The following CDH23 variants were observed in gnomAD, a reference collection of about 807,000 sequenced individuals.
The protein encoded by CDH23 is cadherin-23.
CDH23 carries 189 observed loss-of-function variants against 317.1 expected under a neutral mutation model. The observed-to-expected ratio is 0.60, with a 90% CI of 0.53 to 0.67. The LOEUF (loss-of-function observed/expected upper bound fraction) is 0.67. Among genes scored for constraint, CDH23 ranks in the 30% least tolerant of loss-of-function variants. The pLI, the probability that CDH23 is intolerant of heterozygous loss-of-function variation, is 0.00. For synonymous variants in CDH23, 1,839 were observed against 1,876.8 expected (o/e 0.98, Z 0.52); for missense variants, 4,401 against 4,592.4 (o/e 0.96, Z 1.20).
intron 6 of CDH23, among the ~76,000 whole-genome samples, chr10:71,521,088 A>G (rs2132230824): frequency 6.6e-6 from 1 of 151,836 alleles, no homozygotes; most frequent in Admixed American, 6.6e-5. Flanking sequence ...CCACCTGTCC[A>G]TCTATTAAAA....
chr10:71,510,182 T>C lies in CDH23; in HGVS notation c.246T>C (p.Pro82=), dbSNP rs1413572792. 6.2e-7 allele frequency: 1 copy of C among 1,613,832 alleles called. No homozygotes were observed. The highest frequency in any genetic ancestry group is 8.5e-7 in the Non-Finnish European group (1 of 1,179,866). ...EEASRFFAVE[P]DTGVVWLRQP... Reference sequence around the variant, plus strand: ...CCTCTCGCTTCTTTGCAGTGGAGCCTGACACTGGCGTGGTGTGGCTCCGGC... The same window carrying C: ...CCTCTCGCTTCTTTGCAGTGGAGCCCGACACTGGCGTGGTGTGGCTCCGGC... Residue 82 remains proline, a synonymous_variant, in exon 4 of 70, where the codon CCT becomes CCC. Coordinates refer to ENST00000224721, the MANE Select transcript of CDH23 (RefSeq NM_022124.6).
rs574771621 is a variant in CDH23 at position 71,658,238 on chromosome 10, C to G, written c.1449+11621C>G. On this transcript the variant is annotated intron_variant, in intron 14 of 69. Transcript: ENST00000224721. ...AATGGCGTGGAGTGAGAGGTAGGAC[C>G]GGGGTAGAGAGAGAGAAAGAGGAAG... 3.3e-5 allele frequency among the ~76,000 whole-genome samples: 5 copies of G among 151,416 alleles called. No homozygotes were observed. The South Asian group carries it at 8.4e-4, about 25-fold the overall frequency.
chr10:71,517,950 G>A (rs1399075206), intron 6 of CDH23, among the ~76,000 whole-genome samples: 2 of 152,320 alleles, frequency 1.3e-5, no homozygotes, highest in Middle Eastern at 6.8e-3. Flanking sequence ...CTTGCGGCAG[G>A]CAGATGCCAT....
intron 3 of CDH23, among the ~76,000 whole-genome samples, chr10:71,505,872 T>TA (rs1853603871): frequency 6.6e-6 from 1 of 152,248 alleles, no homozygotes; most frequent in Admixed American, 6.5e-5. Flanking sequence ...CCAGCAATTG[T>TA]GCTCCTAAGT....
At chr10:71,653,133 C>T (rs2132614284) in intron 14 of CDH23, among the ~76,000 whole-genome samples, 1 of 152,310 alleles carries the variant, frequency 6.6e-6, no homozygotes, top group Middle Eastern at 3.4e-3. Context: ...GCTTTTCCTC[C>T]TGGTCCAGCC....
chr10:71,508,572 C>G (rs987418292), intron 3 of CDH23, among the ~76,000 whole-genome samples: 1 of 152,174 alleles, frequency 6.6e-6, no homozygotes, highest in Non-Finnish European at 1.5e-5. Flanking sequence ...TAGAACTGTC[C>G]TAAAAGTTCT....
At chr10:71,805,197 A>T (rs983781191) in intron 55 of CDH23, among the ~76,000 whole-genome samples, 7 of 152,154 alleles carry the variant, frequency 4.6e-5, no homozygotes, top group Non-Finnish European at 7.4e-5. Flanking sequence ...GAGATCTTGG[A>T]CTTAGCTCAA....
Position 71,741,815 on chromosome 10 carries a change from G to A in CDH23, c.4739G>A (p.Arg1580His), listed in dbSNP as rs747067009. The A allele has an allele frequency of 1.2e-5, 19 of 1,611,478 alleles. No homozygotes were observed. The highest frequency in any genetic ancestry group is 1.7e-4 in the Middle Eastern group (1 of 6,056). Residue 1580 changes from arginine (R) to histidine (H), a missense_variant, in exon 38 of 70, where the codon CGC becomes CAC. Arg to His is a conservative substitution (Grantham distance 29). This residue lies in a region of CDH23 where 3,068 missense variants were observed against 3,203.3 expected (regional missense o/e 0.96). Coordinates refer to ENST00000224721, the MANE Select transcript of CDH23 (RefSeq NM_022124.6). ...AAGGACATGGCCTTCCGCATGGACC[G>A]CATCAGCGGTGAGATCGCCACACGG... ...GNKDMAFRMDRISGEIATRPA... is the reference protein window; with the variant it reads ...GNKDMAFRMDHISGEIATRPA...
intron 7 of CDH23, among the ~76,000 whole-genome samples, chr10:71,569,664 A>G (rs1857646888): frequency 6.6e-6 from 1 of 152,256 alleles, no homozygotes; most frequent in Non-Finnish European, 1.5e-5. Context: ...TAGAAGTTGT[A>G]TGACTGTGGA....
chr10:71,501,618 A>T (rs1853339048), intron 3 of CDH23, among the ~76,000 whole-genome samples: 1 of 152,176 alleles, frequency 6.6e-6, no homozygotes, highest in African/African-American at 2.4e-5. Context: ...CAAGTTCAGG[A>T]CCCAGGGCAT....
chr10:71,564,141 C>T (rs1385128210), intron 6 of CDH23, among the ~76,000 whole-genome samples: 1 of 152,232 alleles, frequency 6.6e-6, no homozygotes, highest in Non-Finnish European at 1.5e-5. Flanking sequence ...CTCCCTGTAG[C>T]CTACCTGGAA....
chr10:71,712,342 T>G lies in CDH23; in HGVS notation c.3221-323T>G, dbSNP rs956767401. ...CCAGGGGTTTAACATGGGTCTGTTT[T>G]TTTTGGGAGCCATCATTCAATCCAC... On this transcript the variant is annotated intron_variant, in intron 27 of 69. Transcript: ENST00000224721. 5.0e-5 allele frequency: 13 copies of G among 259,404 alleles called. No homozygotes were observed. In the East Asian group the frequency reaches 7.3e-4, roughly 15 times the overall value. The allele number at this position is 259,404 out of a possible 1,614,324, so 16.1% of individuals were successfully genotyped here. A position where few individuals can be genotyped will look rare whatever the true frequency, so the allele number is the denominator to read the frequency against.
intron 3 of CDH23, among the ~76,000 whole-genome samples, chr10:71,504,590 G>C (rs1853529809): frequency 6.6e-6 from 1 of 152,200 alleles, no homozygotes; most frequent in Admixed American, 6.5e-5. Flanking sequence ...CATGGTTTGG[G>C]TGGCACAGAG....
At chr10:71,594,423 G>T (rs889643407) in intron 9 of CDH23, among the ~76,000 whole-genome samples, 1 of 151,368 alleles carries the variant, frequency 6.6e-6, no homozygotes, top group Admixed American at 6.6e-5. Flanking sequence ...GCCCAGGCTG[G>T]AGTGCAATGG....
In CDH23 at chr10:71,672,907, G is replaced by A. The variant is rs1333665590; in HGVS notation, c.1450-2205G>A. Reference sequence around the variant, plus strand: ...GGCTCAGATGTGACCTTCTCCAGGGGCAGCACACCCCCCATGACCCAGGCC... The same window carrying A: ...GGCTCAGATGTGACCTTCTCCAGGGACAGCACACCCCCCATGACCCAGGCC... On this transcript the variant is annotated intron_variant, in intron 14 of 69. Coordinates refer to ENST00000224721, the MANE Select transcript of CDH23 (RefSeq NM_022124.6). Among the ~76,000 whole-genome samples the A allele has an allele frequency of 2.0e-5, 3 of 151,996 alleles. No individual in the cohort carries two copies. The South Asian group carries it at 6.2e-4, about 32-fold the overall frequency.
At chr10:71,727,484 G>T (rs1333198472) in intron 30 of CDH23, among the ~76,000 whole-genome samples, 1 of 152,204 alleles carries the variant, frequency 6.6e-6, no homozygotes, top group East Asian at 1.9e-4. Context: ...GCAATGTGGG[G>T]ACTCTGGCTT....
At chr10:71,408,385 GAGAA>G (rs373867834) in intron 1 of CDH23, among the ~76,000 whole-genome samples, 2,906 of 152,248 alleles carry the variant, frequency 0.019, 79 homozygotes, top group African/African-American at 0.066. Flanking sequence ...GAGAGAGAGA[GAGAA>G]AGAGAGAGAA....
At chr10:71,737,782 G>T (rs577774018) in intron 34 of CDH23, 2 of 468,630 alleles carry the variant, frequency 4.3e-6, no homozygotes, top group African/African-American at 2.0e-5. Flanking sequence ...GGCCTCACCC[G>T]CGGCAGGCCT....
chr10:71,576,909 C>A lies in CDH23; in HGVS notation c.754-1005C>A, dbSNP rs543487345. On this transcript the variant is annotated intron_variant, in intron 8 of 69. Coordinates refer to ENST00000224721, the MANE Select transcript of CDH23 (RefSeq NM_022124.6). ...CCCATCAATTGATATTCGAATGTGC[C>A]AGTTGTATGCCAGGATCTCTTCCTA... Among the ~76,000 whole-genome samples the A allele has an allele frequency of 2.6e-5, 4 of 152,260 alleles. 1 individual carries two copies. In the South Asian group the frequency reaches 8.3e-4, roughly 32 times the overall value.
Sources: allele counts gnomAD v4.1 joint callset (sites outside exome capture counted in the v4.1 genomes callset), GRCh38; gene constraint gnomAD v4.1.1; regional missense constraint gnomAD v4.1.1; transcripts MANE v1.5; gene names NCBI Gene and HGNC (gene_info 2026-07-23, HGNC 2026-07-21).